The following ORC4 variants were observed in gnomAD, a reference collection of about 807,000 sequenced individuals.
ORC4 encodes origin recognition complex, subunit 4 homolog.
In ORC4, 55 loss-of-function variants were observed where a neutral mutation model predicts 63.9. The observed-to-expected ratio is 0.86, with a 90% confidence interval of 0.69 to 1.08. ORC4 has a LOEUF of 1.08. Ranked by LOEUF, ORC4 falls within the 50% of genes least tolerant of loss-of-function variation. The pLI is 0.00. For missense variants in ORC4, 511 were observed against 504.4 expected, an observed-to-expected ratio of 1.01 and a Z score of -0.13; for synonymous variants, 150 against 168.5, an observed-to-expected ratio of 0.89 and a Z score of 0.85.
intron 1 of ORC4, among the ~76,000 whole-genome samples, chr2:148,003,025 T>A (rs969433339): frequency 6.6e-6 from 1 of 152,158 alleles, no homozygotes; most frequent in Non-Finnish European, 1.5e-5. Flanking sequence ...AATGGATGAA[T>A]TCCTGGACAC....
intron 6 of ORC4, 49 bp downstream of exon 6, chr2:147,958,249 G>T: frequency 8.5e-7 from 1 of 1,172,882 alleles, no homozygotes; most frequent in Non-Finnish European, 1.3e-6. Flanking sequence ...ATGGTATAAA[G>T]ACATTACCTT....
chr2:147,989,424 G>A (rs573091237), intron 1 of ORC4, among the ~76,000 whole-genome samples: 2 of 152,006 alleles, frequency 1.3e-5, no homozygotes, highest in Middle Eastern at 3.4e-3. Context: ...ACCACTTTTC[G>A]GCTGGGCGCA....
At chr2:147,941,765 T>C (rs1206347947) in intron 10 of ORC4, among the ~76,000 whole-genome samples, 1 of 151,896 alleles carries the variant, frequency 6.6e-6, no homozygotes, top group African/African-American at 2.4e-5. Flanking sequence ...CAGATGGAGA[T>C]GTGTGTGTAT....
intron 4 of ORC4, among the ~76,000 whole-genome samples, chr2:147,961,173 C>T (rs779612276): frequency 3.9e-5 from 6 of 152,000 alleles, no homozygotes; most frequent in Non-Finnish European, 8.8e-5. Context: ...GGCACAGTGG[C>T]TCATGCCTGT....
chr2:148,011,149 A>C (rs1446007506), intron 1 of ORC4, among the ~76,000 whole-genome samples: 1 of 152,046 alleles, frequency 6.6e-6, no homozygotes, highest in Non-Finnish European at 1.5e-5. Context: ...TCTGATACCA[A>C]AACCAGACAA....
intron 13 of ORC4, chr2:147,937,939 G>T: frequency 1.6e-6 from 1 of 606,196 alleles, no homozygotes; most frequent in East Asian, 2.8e-5. Flanking sequence ...AGAGACAGCA[G>T]AGGGCAGTAT....
Position 148,000,722 on chromosome 2 carries a change from T to G in ORC4, c.-18+19911A>C, listed in dbSNP as rs1692249733. ...AGAAATTTCTTGATGATGGATAAAC[T>G]GATAAAAATACTTGATACCTCTGAA... is the stretch of plus-strand genomic sequence containing the variant. On this transcript the variant is annotated intron_variant, in intron 1 of 13. Coordinates refer to ENST00000392857, the MANE Select transcript of ORC4 (RefSeq NM_181741.4). Among the ~76,000 whole-genome samples the G allele has an allele frequency of 2.0e-5, 3 of 152,046 alleles. No homozygotes were observed. The South Asian group carries it at 6.2e-4, about 32-fold the overall frequency.
intron 1 of ORC4, among the ~76,000 whole-genome samples, chr2:148,010,282 G>A (rs1157492968): frequency 1.3e-5 from 2 of 151,616 alleles, no homozygotes; most frequent in Admixed American, 6.6e-5. Context: ...GCATCTTAAA[G>A]AACTAGAAAA....
At chr2:148,006,667 C>T (rs1692656501) in intron 1 of ORC4, among the ~76,000 whole-genome samples, 1 of 152,144 alleles carries the variant, frequency 6.6e-6, no homozygotes, top group Non-Finnish European at 1.5e-5. Flanking sequence ...ATAGATTGAC[C>T]CTAGGCAGGA....
At position 147,930,877 on chromosome 2, in the gene ORC4, TTAAG is replaced by T. The variant is rs1207110190; in HGVS notation, c.*4629_*4632del. On this transcript the variant is annotated 3_prime_UTR_variant, in exon 14 of 14. Coordinates refer to ENST00000392857, the MANE Select transcript of ORC4 (RefSeq NM_181741.4). The stretch of plus-strand genomic sequence containing the variant: ...CTATGTTTTTTTTTTTTTTTATACT[TTAAG>T]TTTTAGGGTACATGTGCACATTGTG... 2.0e-5 allele frequency: 3 copies of T among 152,048 alleles called. No individual in the cohort carries two copies. Among genetic ancestry groups the T allele is most frequent in the African/African-American group, 7.3e-5 (3 of 41,170 alleles). 9.4% of individuals were successfully genotyped at this position (152,048 alleles called of 1,614,324 possible). A position where few individuals can be genotyped will look rare whatever the true frequency, so the allele number is the denominator to read the frequency against.
At chr2:147,958,747 C>T in intron 5 of ORC4, 44 bp downstream of exon 5, 1 of 972,070 alleles carries the variant, frequency 1.0e-6, no homozygotes, top group Non-Finnish European at 1.7e-6. Flanking sequence ...AAAAACCCCA[C>T]AAAGTTTACA....
intron 9 of ORC4, among the ~76,000 whole-genome samples, chr2:147,947,197 T>C (rs1475509186): frequency 6.6e-6 from 1 of 152,022 alleles, no homozygotes; most frequent in African/African-American, 2.4e-5. Flanking sequence ...GATCTAATTA[T>C]CCTTACCGGT....
At chr2:148,004,138 T>C (rs752105583) in intron 1 of ORC4, among the ~76,000 whole-genome samples, 4 of 152,096 alleles carry the variant, frequency 2.6e-5, no homozygotes, top group East Asian at 3.8e-4. Flanking sequence ...AAACATTCCA[T>C]GCGCATGGAT....
chr2:147,972,047 TAC>T (rs752264838), intron 4 of ORC4, among the ~76,000 whole-genome samples: 1 of 152,256 alleles, frequency 6.6e-6, no homozygotes, highest in East Asian at 1.9e-4. Context: ...GAACAGATTT[TAC>T]ACAGACTACT....
intron 6 of ORC4, among the ~76,000 whole-genome samples, chr2:147,957,398 T>C (rs983283399): frequency 1.3e-5 from 2 of 151,928 alleles, no homozygotes; most frequent in Non-Finnish European, 2.9e-5. Flanking sequence ...TGCCACCGCA[T>C]GGTCACCAGT....
At chr2:147,966,916 A>G (rs1334698967) in intron 4 of ORC4, among the ~76,000 whole-genome samples, 2 of 152,208 alleles carry the variant, frequency 1.3e-5, no homozygotes, top group Non-Finnish European at 2.9e-5. Flanking sequence ...ACTACAGGTC[A>G]ACATCTCTGA....
rs533078814 is a variant in ORC4 at position 147,989,879 on chromosome 2, G to A, written c.-17-13904C>T. Among the ~76,000 whole-genome samples the A allele has an allele frequency of 3.1e-4, 47 of 152,258 alleles. No individual in the cohort carries two copies. The South Asian group carries it at 9.7e-3, about 32-fold the overall frequency. On this transcript the variant is annotated intron_variant, in intron 1 of 13. Transcript: ENST00000392857. ...AAACCTTGGTAAAATTAGTGGATGAGACTAGAAAATATAATTCAAAAATAC... is the reference window on the plus strand; with the variant it reads ...AAACCTTGGTAAAATTAGTGGATGAAACTAGAAAATATAATTCAAAAATAC...
chr2:147,992,155 A>G (rs759552828), intron 1 of ORC4, among the ~76,000 whole-genome samples: 3 of 152,238 alleles, frequency 2.0e-5, no homozygotes, highest in Non-Finnish European at 4.4e-5. Context: ...CTCTGAGCAC[A>G]TGGAAGTAGG....
At chr2:147,960,719 G>C (rs1035097140) in intron 4 of ORC4, among the ~76,000 whole-genome samples, 1 of 152,114 alleles carries the variant, frequency 6.6e-6, no homozygotes, top group Non-Finnish European at 1.5e-5. Context: ...ACAGTAAATT[G>C]CATGTGTAAG....
Sources: gnomAD v4.1 joint callset for allele counts (sites outside exome capture counted in the v4.1 genomes callset) on GRCh38, gnomAD v4.1.1 for gene constraint, MANE v1.5 for transcripts, NCBI Gene and HGNC (gene_info 2026-07-23, HGNC 2026-07-21) for gene names.